Variants in NCF2 observed in about 807,000 individuals in gnomAD.
NCF2 encodes neutrophil cytosolic factor 2, also known as neutrophil cytosol factor 2.
In NCF2, 45 loss-of-function variants were observed where a neutral mutation model predicts 70.9. The ratio of observed to expected loss-of-function variants is 0.63; its 90% CI spans 0.50 to 0.81. The LOEUF is 0.81. Among genes scored for constraint, NCF2 ranks in the 40% least tolerant of loss-of-function variants. The probability of loss-of-function intolerance (pLI) is 0.00; values close to 1 mark genes in which losing one functional copy is unlikely to be tolerated. For synonymous variants in NCF2, 203 were observed against 233.6 expected (o/e 0.87, Z 1.19); for missense variants, 522 against 631.6 (o/e 0.83, Z 1.86).
chr1:183,570,887 A>G (rs1461825388), intron 5 of NCF2, 48 bp from the exon 6 acceptor site: 2 of 1,592,888 alleles, frequency 1.3e-6, no homozygotes, highest in African/African-American at 1.3e-5. Flanking sequence ...CACTGTTTCC[A>G]TTCTTCTGGG....
intron 6 of NCF2, 134 bp downstream of exon 6, chr1:183,570,646 C>G: frequency 1.2e-6 from 1 of 867,948 alleles, no homozygotes; most frequent in Non-Finnish European, 1.9e-6. Flanking sequence ...GCAGGCAGAT[C>G]CCTCAGCTGC....
intron 14 of NCF2, among the ~76,000 whole-genome samples, 166 bp downstream of exon 14, chr1:183,559,930 A>G (rs1184206936): frequency 6.6e-6 from 1 of 152,208 alleles, no homozygotes; most frequent in East Asian, 1.9e-4. Flanking sequence ...TAGACAGGGA[A>G]AGTCTGAGTG....
chr1:183,601,493 T>TA, the NCF2 span, among the ~76,000 whole-genome samples: 2 of 152,236 alleles, frequency 1.3e-5, no homozygotes, highest in Non-Finnish European at 2.9e-5. Context: ...TGCATTTTTT[T>TA]AAAAGTATAA....
Position 183,590,256 on chromosome 1 carries a change from G to C in NCF2, c.74C>G (p.Ala25Gly). The C allele has an allele frequency of 6.2e-7, 1 of 1,614,108 alleles. No individual in the cohort carries two copies. The highest frequency in any genetic ancestry group is 8.5e-7 in the Non-Finnish European group (1 of 1,180,026). The change falls in exon 1 of 15, where the codon GCC becomes GGC. Residue 25 changes from alanine to glycine, a missense_variant. Transcript: ENST00000367535. ...LAADKKDWKG[A>G]LDAFSAVQDP... is the part of the protein sequence containing the mutation. The stretch of plus-strand genomic sequence containing the variant: ...CTGGACGGCACTGAAGGCATCCAGG[G>C]CTCCCTTCCAGTCCTTCTTGTCCGC...
chr1:183,565,915 G>T (rs1273632090), intron 9 of NCF2, 136 bp from the exon 10 acceptor site: 1 of 849,560 alleles, frequency 1.2e-6, no homozygotes, highest in Non-Finnish European at 1.9e-6. Flanking sequence ...TGGAATGGTA[G>T]TGACATTTGG....
intron 2 of NCF2, among the ~76,000 whole-genome samples, chr1:183,584,924 C>T (rs1673274857): frequency 6.6e-6 from 1 of 152,100 alleles, no homozygotes; most frequent in Non-Finnish European, 1.5e-5. Context: ...TATAAAGTCA[C>T]AATAAATATG....
intron 2 of NCF2, among the ~76,000 whole-genome samples, chr1:183,584,425 C>G (rs12740417): frequency 6.6e-6 from 1 of 151,976 alleles, no homozygotes; most frequent in Non-Finnish European, 1.5e-5. Flanking sequence ...AGATAAAACT[C>G]GGTAGATTTT....
chr1:183,564,603 GT>G (rs1408616382), intron 10 of NCF2, among the ~76,000 whole-genome samples: 4 of 152,142 alleles, frequency 2.6e-5, no homozygotes, highest in Non-Finnish European at 5.9e-5. Context: ...CACATGGGAA[GT>G]TTTTTTCTAA....
At chr1:183,601,775 G>A in the NCF2 span, among the ~76,000 whole-genome samples, 10 of 151,566 alleles carry the variant, frequency 6.6e-5, no homozygotes, top group South Asian at 1.2e-3. Context: ...GAAGAATGGC[G>A]TGAACCCAGG....
In NCF2 at chr1:183,565,719, G is replaced by T. The variant is rs765235671; in HGVS notation, c.985C>A (p.Pro329Thr). ...APPSSKAPGRPQLSPGQKQKE... is the reference protein window; with the variant it reads ...APPSSKAPGRTQLSPGQKQKE... ...GACCACTCACCTGGTGACAGCTGGG[G>T]TCTTCCAGGGGCTTTGGAACTAGGA... Residue 329 changes from proline to threonine, a missense_variant, in exon 10 of 15, where the codon CCC becomes ACC. Transcript: ENST00000367535. The T allele has an allele frequency of 1.7e-5, 28 of 1,612,588 alleles. No individual in the cohort carries two copies. Among genetic ancestry groups the T allele is most frequent in the Non-Finnish European group, 2.3e-5 (27 of 1,180,008 alleles).
intron 5 of NCF2, among the ~76,000 whole-genome samples, chr1:183,571,201 T>G (rs1034897144): frequency 1.3e-4 from 18 of 134,478 alleles, no homozygotes; most frequent in African/African-American, 5.0e-4. Flanking sequence ...CACTGCAACC[T>G]CTGCCTTCCA....
At chr1:183,598,390 AT>A in the NCF2 span, 1 of 152,160 alleles carries the variant, frequency 6.6e-6, no homozygotes, top group East Asian at 1.9e-4. Context: ...AAACATAACC[AT>A]GTGTTACTCA....
intron 3 of NCF2, among the ~76,000 whole-genome samples, chr1:183,575,012 G>A (rs911255033): frequency 2.0e-5 from 3 of 152,244 alleles, no homozygotes; most frequent in Admixed American, 6.5e-5. Flanking sequence ...GGCAGACACA[G>A]GGTTGGGAAT....
At chr1:183,578,354 CCTTTTTTTTTT>C (rs1439064320) in intron 2 of NCF2, among the ~76,000 whole-genome samples, 1 of 148,380 alleles carries the variant, frequency 6.7e-6, no homozygotes, top group Non-Finnish European at 1.5e-5. Flanking sequence ...AGTATTTCCT[CCTTTTTTTTTT>C]CTTTTTTTTT....
At chr1:183,567,814 TAGAG>T in intron 7 of NCF2, among the ~76,000 whole-genome samples, 1 of 151,882 alleles carries the variant, frequency 6.6e-6, no homozygotes, top group African/African-American at 2.4e-5. Context: ...TGGGCCAGGA[TAGAG>T]AGACCGTGAG....
intron 5 of NCF2, 80 bp downstream of exon 5, chr1:183,573,105 C>G: frequency 2.3e-6 from 3 of 1,295,484 alleles, no homozygotes; most frequent in East Asian, 4.6e-5. Flanking sequence ...AGGCTACCCT[C>G]TTCTCAAGAG....
intron 2 of NCF2, among the ~76,000 whole-genome samples, chr1:183,580,520 G>A (rs1009864443): frequency 6.6e-6 from 1 of 152,122 alleles, no homozygotes. Context: ...AGGTCTCAGA[G>A]GGCACACACT....
intron 1 of NCF2, among the ~76,000 whole-genome samples, chr1:183,588,064 T>G (rs1428160612): frequency 6.6e-6 from 1 of 152,208 alleles, no homozygotes; most frequent in African/African-American, 2.4e-5. Flanking sequence ...TCATATGAAT[T>G]TAACTGCTGT....
At chr1:183,560,384 A>T in intron 13 of NCF2, 111 bp from the exon 14 acceptor site, 1 of 1,251,232 alleles carries the variant, frequency 8.0e-7, no homozygotes, top group Non-Finnish European at 1.2e-6. Context: ...ATAAACTCAT[A>T]AAGTTTGTGA....
Sources: gnomAD v4.1 joint callset for allele counts (sites outside exome capture counted in the v4.1 genomes callset) on GRCh38, gnomAD v4.1.1 for gene constraint, MANE v1.5 for transcripts, NCBI Gene and HGNC (gene_info 2026-07-23, HGNC 2026-07-21) for gene names.